Variants in PFKFB3 observed in about 807,000 individuals in gnomAD.
PFKFB3 encodes the protein 6-phosphofructo-2-kinase/fructose-2,6-bisphosphatase 3.
A neutral mutation model predicts 68.0 loss-of-function variants in PFKFB3; 33 were observed. The observed-to-expected ratio is 0.49, with a 90% CI of 0.37 to 0.65. The LOEUF (loss-of-function observed/expected upper bound fraction) is 0.65. Ranked by LOEUF, PFKFB3 falls within the 30% of genes least tolerant of loss-of-function variation. The pLI is 0.00. For synonymous variants in PFKFB3, 315 were observed against 288.2 expected (o/e 1.09, Z -0.94); for missense variants, 586 against 712.2 (o/e 0.82, Z 2.02).
At chr10:6,163,485 G>T (rs569081808) in intron 1 of PFKFB3, among the ~76,000 whole-genome samples, 5 of 152,126 alleles carry the variant, frequency 3.3e-5, no homozygotes, top group Non-Finnish European at 7.4e-5. Flanking sequence ...TGCTGAGGGC[G>T]GTAAGACAGG....
In PFKFB3 at chr10:6,164,306, G is replaced by A. The variant is rs77693606; in HGVS notation, c.16+19293G>A. Among the ~76,000 whole-genome samples the A allele has an allele frequency of 2.0e-3, 298 of 152,358 alleles. 1 individual carries two copies. The highest frequency in any genetic ancestry group is 6.6e-3 in the East Asian group (34 of 5,188). The stretch of plus-strand genomic sequence containing the variant: ...TGAGGACCTCGTATGCGTTGGGTCT[G>A]TGGCTCCATCCGAATCTTCATGAAC... On this transcript the variant is annotated intron_variant, in intron 1 of 14. Transcript: ENST00000379789.
chr10:6,262,015 A>C, the PFKFB3 span, among the ~76,000 whole-genome samples: 1 of 101,066 alleles, frequency 9.9e-6, no homozygotes, highest in African/African-American at 3.0e-5. Flanking sequence ...AACAAAACAA[A>C]AAACAAAAAA....
upstream of PFKFB3, among the ~76,000 whole-genome samples, chr10:6,199,700 A>T (rs185621392): frequency 1.1e-5 from 1 of 92,842 alleles, no homozygotes; most frequent in Non-Finnish European, 2.0e-5. Context: ...ATGGGGTTTC[A>T]TGTTGCCCAG....
chr10:6,311,464 G>T, the PFKFB3 span, among the ~76,000 whole-genome samples: 1 of 152,058 alleles, frequency 6.6e-6, no homozygotes, highest in African/African-American at 2.4e-5. Context: ...GTCAAGAAAT[G>T]CTTTGTTGGC....
chr10:6,289,197 T>G, the PFKFB3 span, among the ~76,000 whole-genome samples: 6 of 135,220 alleles, frequency 4.4e-5, no homozygotes, highest in South Asian at 2.4e-4. Context: ...GTGCAGAAGC[T>G]CTTTAGTTTA....
At chr10:6,324,336 T>C in the PFKFB3 span, among the ~76,000 whole-genome samples, 228 of 152,324 alleles carry the variant, frequency 1.5e-3, no homozygotes, top group African/African-American at 5.3e-3. Flanking sequence ...ATACTTACGG[T>C]GAAATTCTGT....
the PFKFB3 span, among the ~76,000 whole-genome samples, chr10:6,309,153 GAAAACC>G: frequency 1.3e-5 from 2 of 152,120 alleles, no homozygotes; most frequent in Non-Finnish European, 1.5e-5. Context: ...TGTAAAAAAT[GAAAACC>G]TAAATCTACA....
At chr10:6,307,236 G>C in the PFKFB3 span, among the ~76,000 whole-genome samples, 1 of 151,826 alleles carries the variant, frequency 6.6e-6, no homozygotes, top group Non-Finnish European at 1.5e-5. Flanking sequence ...GCAGATTTTG[G>C]ACTTGCCAGC....
chr10:6,199,689 G>T (rs11257209), upstream of PFKFB3, among the ~76,000 whole-genome samples: 1 of 92,412 alleles, frequency 1.1e-5, no homozygotes, highest in Non-Finnish European at 2.0e-5. Context: ...TTTTTGCAGA[G>T]ATGGGGTTTC....
chr10:6,207,039 G>A (rs1452280610), intron 1 of PFKFB3, among the ~76,000 whole-genome samples: 37 of 150,160 alleles, frequency 2.5e-4, no homozygotes, highest in African/African-American at 7.8e-4. Context: ...ATGGGGTGGC[G>A]GCCGGGCAGA....
Position 6,231,221 on chromosome 10 carries a change from T to C in PFKFB3, c.1516-1674T>C, listed in dbSNP as rs116366824. The C allele has an allele frequency of 2.5e-3, 3,287 of 1,294,098 alleles. 69 individuals are homozygous for C. In the African/African-American group the frequency reaches 0.044, roughly 17 times the overall value. The allele number at this position is 1,294,098 out of a possible 1,614,324, so 80.2% of individuals were successfully genotyped here. A position where few individuals can be genotyped will look rare whatever the true frequency, so the allele number is the denominator to read the frequency against. ...CTAAAGATTTTCTTTTTTTTTTTCCTTTTCCAACCTGTTTCTTCCTCTCCC... is the reference window on the plus strand; with the variant it reads ...CTAAAGATTTTCTTTTTTTTTTTCCCTTTCCAACCTGTTTCTTCCTCTCCC... On this transcript the variant is annotated intron_variant, in intron 14 of 14. Coordinates refer to ENST00000379775, the MANE Select transcript of PFKFB3 (RefSeq NM_004566.4).
chr10:6,326,448 A>G, the PFKFB3 span: 1 of 428,852 alleles, frequency 2.3e-6, no homozygotes, highest in Admixed American at 2.7e-5. Flanking sequence ...AACTTAAAAT[A>G]AAAATAGAAA....
At chr10:6,239,554 C>T (rs753347886), downstream of PFKFB3, among the ~76,000 whole-genome samples, 1 of 152,206 alleles carries the variant, frequency 6.6e-6, no homozygotes, top group Non-Finnish European at 1.5e-5. Flanking sequence ...GGTCATAACT[C>T]AAGATGCTCA....
intron 14 of PFKFB3, among the ~76,000 whole-genome samples, chr10:6,227,606 G>C (rs555599975): frequency 6.6e-6 from 1 of 152,358 alleles, no homozygotes; most frequent in African/African-American, 2.4e-5. Context: ...ATCAGGCCCA[G>C]TGTCGGGCAT....
At chr10:6,318,475 G>A in the PFKFB3 span, among the ~76,000 whole-genome samples, 1 of 152,208 alleles carries the variant, frequency 6.6e-6, no homozygotes, top group Admixed American at 6.5e-5. Flanking sequence ...CTTCCCCAGG[G>A]GGTAGAGGGG....
chr10:6,191,878 C>G (rs1434781517), intron 1 of PFKFB3, among the ~76,000 whole-genome samples: 2 of 152,024 alleles, frequency 1.3e-5, no homozygotes, highest in South Asian at 4.1e-4. Flanking sequence ...GCTCTTTAGC[C>G]GTTTCTCGTA....
At chr10:6,219,467 G>C in intron 6 of PFKFB3, 102 bp from the exon 7 acceptor site, 3 of 1,261,192 alleles carry the variant, frequency 2.4e-6, no homozygotes, top group Non-Finnish European at 3.5e-6. Flanking sequence ...TCTTTATACT[G>C]AGCCTTCTGT....
intron 8 of PFKFB3, among the ~76,000 whole-genome samples, chr10:6,221,085 TTG>T (rs376494618): frequency 2.6e-5 from 4 of 151,846 alleles, no homozygotes; most frequent in Non-Finnish European, 2.9e-5. Flanking sequence ...CCATGTGGCT[TTG>T]TGTGTGTGTG....
intron 1 of PFKFB3, among the ~76,000 whole-genome samples, chr10:6,168,069 C>G (rs1305041856): frequency 1.3e-5 from 2 of 152,176 alleles, no homozygotes; most frequent in African/African-American, 2.4e-5. Flanking sequence ...TCCAGAGATG[C>G]TATCTAACCA....
Sources: allele counts gnomAD v4.1 joint callset (sites outside exome capture counted in the v4.1 genomes callset), GRCh38; gene constraint gnomAD v4.1.1; transcripts MANE v1.5; gene names NCBI Gene and HGNC (gene_info 2026-07-23, HGNC 2026-07-21).